ATP6V0A4: variants seen among roughly 807,000 people sequenced by gnomAD.
The protein encoded by ATP6V0A4 is ATPase H+ transporting V0 subunit a4.
Under a neutral mutation model 107.3 loss-of-function variants are expected in ATP6V0A4, and 86 were observed. That is an observed-to-expected ratio of 0.80 (90% confidence interval 0.67 to 0.96). ATP6V0A4 has a LOEUF of 0.96. Ranked by LOEUF, ATP6V0A4 falls within the 40% of genes least tolerant of loss-of-function variation. ATP6V0A4 has a pLI of 0.00. For synonymous variants in ATP6V0A4, 353 were observed against 381.4 expected, an observed-to-expected ratio of 0.93 and a Z score of 0.87; for missense variants, 908 against 1,045.6, an observed-to-expected ratio of 0.87 and a Z score of 1.81.
intron 1 of ATP6V0A4, among the ~76,000 whole-genome samples, chr7:138,797,481 G>A (rs1177807996): frequency 6.6e-6 from 1 of 151,822 alleles, no homozygotes; most frequent in African/African-American, 2.4e-5. Context: ...GCCTCCCAGA[G>A]TGCTGGGACT....
intron 17 of ATP6V0A4, among the ~76,000 whole-genome samples, chr7:138,731,256 T>G (rs1259829144): frequency 1.3e-5 from 2 of 152,062 alleles, no homozygotes; most frequent in Non-Finnish European, 2.9e-5. Flanking sequence ...TTATTGATGC[T>G]TGGGTAGGGA....
At chr7:138,717,208 GA>G (rs1445806554) in intron 19 of ATP6V0A4, among the ~76,000 whole-genome samples, 18 of 152,320 alleles carry the variant, frequency 1.2e-4, no homozygotes, top group African/African-American at 4.1e-4. Flanking sequence ...GTCCCGGCTG[GA>G]AACGGACTCC....
intron 14 of ATP6V0A4, among the ~76,000 whole-genome samples, chr7:138,741,042 G>A (rs1431727029): frequency 6.6e-6 from 1 of 152,050 alleles, no homozygotes; most frequent in Non-Finnish European, 1.5e-5. Flanking sequence ...TACTCAGGAG[G>A]CTGTGGCAGA....
intron 2 of ATP6V0A4, chr7:138,774,037 T>G (rs1266642085): frequency 6.6e-6 from 1 of 152,260 alleles, no homozygotes; most frequent in Admixed American, 6.5e-5. Flanking sequence ...GCAGCTCTGT[T>G]GTATCAACAC....
chr7:138,770,541 A>G (rs907715469), intron 3 of ATP6V0A4, among the ~76,000 whole-genome samples: 1 of 152,222 alleles, frequency 6.6e-6, no homozygotes, highest in East Asian at 1.9e-4. Flanking sequence ...TCTTCCCTGC[A>G]GGAGCTTAGC....
intron 2 of ATP6V0A4, among the ~76,000 whole-genome samples, chr7:138,775,800 G>A (rs1033305133): frequency 5.3e-5 from 8 of 151,908 alleles, no homozygotes; most frequent in Admixed American, 1.3e-4. Context: ...ATAGGCGCCC[G>A]CCACCACGCC....
At chr7:138,763,410 T>C (rs571853131) in intron 5 of ATP6V0A4, among the ~76,000 whole-genome samples, 374 of 152,132 alleles carry the variant, frequency 2.5e-3, no homozygotes, top group African/African-American at 8.7e-3. Flanking sequence ...TGCAGATCAC[T>C]TGAGGTCAAG....
intron 19 of ATP6V0A4, 195 bp from the exon 20 acceptor site, chr7:138,716,076 C>T (rs1281268568): frequency 6.0e-6 from 2 of 335,500 alleles, no homozygotes; most frequent in African/African-American, 2.2e-5. Context: ...TCTTAACGTT[C>T]CCCAGCAATA....
In ATP6V0A4 at chr7:138,762,395, T is replaced by C. The variant is rs776043280; in HGVS notation, c.457A>G (p.Thr153Ala). 10 of 1,614,184 alleles carry C rather than the reference T, an allele frequency of 6.2e-6. No homozygotes were observed. In the South Asian group the frequency reaches 9.9e-5, roughly 16 times the overall value. The part of the protein sequence containing the change: ...NLADDFFTED[T>A]SGLLELKAVP... ...GCTTTCAACTCCAGGAGGCCAGAAG[T>C]GTCCTCAGTAAAGAAATCATCAGCT... The change falls in exon 7 of 22, where the codon ACT becomes GCT. Residue 153 changes from threonine to alanine, a missense_variant. Transcript: ENST00000310018.
intron 19 of ATP6V0A4, among the ~76,000 whole-genome samples, chr7:138,719,111 A>T (rs1181633956): frequency 1.3e-5 from 2 of 152,036 alleles, no homozygotes; most frequent in Non-Finnish European, 2.9e-5. Context: ...GCTTGGGCTC[A>T]GGAGGTCAAG....
At chr7:138,707,207 AT>A (rs1803453636) in intron 21 of ATP6V0A4, among the ~76,000 whole-genome samples, 1 of 76,886 alleles carries the variant, frequency 1.3e-5, no homozygotes, top group Non-Finnish European at 2.2e-5. Flanking sequence ...TATATAATAT[AT>A]TATATTATAT....
At chr7:138,749,436 C>G in intron 11 of ATP6V0A4, 119 bp from the exon 12 acceptor site, 1 of 1,129,446 alleles carries the variant, frequency 8.9e-7, no homozygotes, top group East Asian at 2.4e-5. Context: ...GGGGCAATCT[C>G]TTGATCTCTC....
Position 138,743,107 on chromosome 7 carries a change from G to A in ATP6V0A4, c.1478+2016C>T, listed in dbSNP as rs186506174. Among the ~76,000 whole-genome samples, 109 of 152,172 alleles carry A rather than the reference G, an allele frequency of 7.2e-4. 1 individual carries two copies. The highest frequency in any genetic ancestry group is 2.5e-3 in the African/African-American group (102 of 41,518). On this transcript the variant is annotated intron_variant, in intron 14 of 21. Transcript: ENST00000310018. ...CTAAATATTTCTACAGTCTCTTGGA[G>A]CCTCTCTGTGCCAACATCAAGCCCT... is the stretch of plus-strand genomic sequence containing the variant.
chr7:138,787,447 G>A (rs10253926), intron 1 of ATP6V0A4, among the ~76,000 whole-genome samples: 1 of 152,128 alleles, frequency 6.6e-6, no homozygotes, highest in Non-Finnish European at 1.5e-5. Context: ...TCTTGACTCA[G>A]GATTCTTGTG....
intron 11 of ATP6V0A4, among the ~76,000 whole-genome samples, chr7:138,752,280 G>A (rs983099576): frequency 6.6e-6 from 1 of 152,000 alleles, no homozygotes; most frequent in Non-Finnish European, 1.5e-5. Flanking sequence ...TGAGGCAGGA[G>A]AATCACTTGA....
At chr7:138,764,567 T>C (rs1806994865) in intron 5 of ATP6V0A4, among the ~76,000 whole-genome samples, 1 of 152,140 alleles carries the variant, frequency 6.6e-6, no homozygotes, top group Admixed American at 6.6e-5. Flanking sequence ...GTGTTAAGTG[T>C]AACTGTCATC....
Position 138,732,864 on chromosome 7 carries a change from ATAGC to A in ATP6V0A4, c.1908+9_1908+12del. 2 of 1,580,520 alleles carry A rather than the reference ATAGC, an allele frequency of 1.3e-6. No individual in the cohort carries two copies. Among genetic ancestry groups the A allele is most frequent in the South Asian group, 1.2e-5 (1 of 85,710 alleles). On this transcript the variant is annotated intron_variant, in intron 17 of 21. Transcript: ENST00000310018. Reference sequence around the variant, plus strand: ...ATAAAAGAAGAGTAAAAAAAAAAAAATAGCAGAAATACCTGATGTTTGTAGAGGG... The same window carrying A: ...ATAAAAGAAGAGTAAAAAAAAAAAAAAGAAATACCTGATGTTTGTAGAGGG...
intron 10 of ATP6V0A4, 133 bp from the exon 11 acceptor site, chr7:138,752,970 C>T (rs975526017): frequency 1.5e-5 from 22 of 1,513,664 alleles, no homozygotes; most frequent in Non-Finnish European, 1.8e-5. Context: ...TGGCTGTCAC[C>T]TGGCCTTGAA....
At chr7:138,764,037 T>G (rs1029162305) in intron 5 of ATP6V0A4, among the ~76,000 whole-genome samples, 4 of 150,066 alleles carry the variant, frequency 2.7e-5, no homozygotes, top group Non-Finnish European at 5.9e-5. Flanking sequence ...TGTATATGTA[T>G]ATAATATATA....
Sources: allele counts gnomAD v4.1 joint callset (sites outside exome capture counted in the v4.1 genomes callset), GRCh38; gene constraint gnomAD v4.1.1; transcripts MANE v1.5; gene names NCBI Gene and HGNC (gene_info 2026-07-23, HGNC 2026-07-21).